Variants in EXOC4 observed in about 807,000 individuals in gnomAD.
EXOC4 encodes SEC8-like 1.
A neutral mutation model predicts 107.2 loss-of-function variants in EXOC4; 71 were observed. The observed-to-expected ratio is 0.66, with a 90% CI of 0.55 to 0.81. EXOC4 has a LOEUF of 0.81. Among genes scored for constraint, EXOC4 ranks in the 30% least tolerant of loss-of-function variants. The pLI, the probability that EXOC4 is intolerant of heterozygous loss-of-function variation, is 0.00. For missense variants in EXOC4, 1,108 were observed against 1,189.6 expected, an observed-to-expected ratio of 0.93 and a Z score of 1.01; for synonymous variants, 456 against 441.2, an observed-to-expected ratio of 1.03 and a Z score of -0.42.
intron 11 of EXOC4, among the ~76,000 whole-genome samples, chr7:133,876,221 GGTGTGTGTGT>G (rs10605200): frequency 4.1e-5 from 6 of 147,194 alleles, no homozygotes; most frequent in African/African-American, 7.5e-5. Flanking sequence ...AGAATGAAGA[GGTGTGTGTGT>G]GTGTGTGTGT....
At chr7:133,998,781 G>T (rs1313359748) in intron 15 of EXOC4, among the ~76,000 whole-genome samples, 1 of 152,168 alleles carries the variant, frequency 6.6e-6, no homozygotes, top group Non-Finnish European at 1.5e-5. Flanking sequence ...GTATGGAAAA[G>T]GGATTGCAGG....
At chr7:133,665,727 C>A (rs1793795703) in intron 10 of EXOC4, among the ~76,000 whole-genome samples, 1 of 152,142 alleles carries the variant, frequency 6.6e-6, no homozygotes, top group African/African-American at 2.4e-5. Context: ...AATATAGCAT[C>A]TCCATTTGTG....
intron 7 of EXOC4, among the ~76,000 whole-genome samples, chr7:133,453,684 C>A (rs1347598643): frequency 6.6e-6 from 1 of 151,876 alleles, no homozygotes; most frequent in South Asian, 2.1e-4. Context: ...CTTATGCATA[C>A]CTTTTAAGCA....
intron 11 of EXOC4, among the ~76,000 whole-genome samples, chr7:133,864,798 G>A (rs897981673): frequency 6.6e-6 from 1 of 152,314 alleles, no homozygotes; most frequent in Non-Finnish European, 1.5e-5. Context: ...AAATGCAGTA[G>A]TGAGGCCAGA....
At chr7:133,601,560 C>G (rs556083296) in intron 9 of EXOC4, among the ~76,000 whole-genome samples, 1 of 152,306 alleles carries the variant, frequency 6.6e-6, no homozygotes, top group Non-Finnish European at 1.5e-5. Context: ...CAGCCTCTCC[C>G]TCCCCATCTT....
chr7:133,955,048 G>T (rs1301374117), intron 14 of EXOC4, among the ~76,000 whole-genome samples: 1 of 152,208 alleles, frequency 6.6e-6, no homozygotes, highest in African/African-American at 2.4e-5. Context: ...TTCCCAAGGG[G>T]CCGCAGCTCT....
chr7:133,949,952 G>A (rs1800652064), intron 14 of EXOC4, among the ~76,000 whole-genome samples: 1 of 152,272 alleles, frequency 6.6e-6, no homozygotes, highest in South Asian at 2.1e-4. Context: ...GCATTGGGAT[G>A]TGCAGTAAGG....
At chr7:133,738,889 G>A (rs1795503284) in intron 10 of EXOC4, among the ~76,000 whole-genome samples, 1 of 152,088 alleles carries the variant, frequency 6.6e-6, no homozygotes, top group South Asian at 2.1e-4. Context: ...CTCTAGATTA[G>A]TCTTCCTTTT....
At chr7:133,957,016 G>C (rs1186440806) in intron 14 of EXOC4, among the ~76,000 whole-genome samples, 1 of 151,868 alleles carries the variant, frequency 6.6e-6, no homozygotes, top group African/African-American at 2.4e-5. Context: ...ACTATATAGA[G>C]AGGCTAAAAT....
At chr7:133,386,306 C>A (rs1796725447) in intron 7 of EXOC4, among the ~76,000 whole-genome samples, 1 of 152,180 alleles carries the variant, frequency 6.6e-6, no homozygotes, top group Admixed American at 6.5e-5. Flanking sequence ...CCAGTGGTCA[C>A]TGGGCCTCCC....
intron 6 of EXOC4, among the ~76,000 whole-genome samples, chr7:133,374,201 T>TA (rs1051903337): frequency 6.6e-6 from 1 of 152,200 alleles, no homozygotes; most frequent in Non-Finnish European, 1.5e-5. Context: ...CTTGAGTATA[T>TA]AAAATTGATG....
At chr7:133,601,055 T>C (rs1801793616) in intron 9 of EXOC4, among the ~76,000 whole-genome samples, 1 of 152,218 alleles carries the variant, frequency 6.6e-6, no homozygotes, top group Non-Finnish European at 1.5e-5. Context: ...ATGCAACAGA[T>C]GTACACTGCG....
intron 10 of EXOC4, among the ~76,000 whole-genome samples, chr7:133,739,624 C>A (rs2111522): frequency 0.87 from 132,394 of 152,150 alleles, 58,124 homozygotes; most frequent in East Asian, 0.99. Flanking sequence ...ATTAAGGCTG[C>A]AGCTGCTGAG....
chr7:133,686,101 A>G (rs747730159), intron 10 of EXOC4, among the ~76,000 whole-genome samples: 2 of 152,136 alleles, frequency 1.3e-5, no homozygotes, highest in African/African-American at 2.4e-5. Context: ...CTGTGTAACC[A>G]GAGGAAGAGA....
At chr7:133,620,559 T>C (rs1391266262) in intron 9 of EXOC4, among the ~76,000 whole-genome samples, 1 of 152,202 alleles carries the variant, frequency 6.6e-6, no homozygotes, top group Non-Finnish European at 1.5e-5. Flanking sequence ...TGCCCAAATG[T>C]TCATCTGCTG....
chr7:133,770,309 A>G (rs1278797638), intron 10 of EXOC4, among the ~76,000 whole-genome samples: 2 of 151,862 alleles, frequency 1.3e-5, no homozygotes, highest in Non-Finnish European at 1.5e-5. Context: ...CCATTAGCCT[A>G]CAGCTAACAG....
chr7:133,972,472 C>T (rs550836950), intron 14 of EXOC4, among the ~76,000 whole-genome samples: 18 of 152,188 alleles, frequency 1.2e-4, no homozygotes, highest in African/African-American at 2.2e-4. Flanking sequence ...TTAGGGAGTT[C>T]GTTACTTATC....
intron 12 of EXOC4, among the ~76,000 whole-genome samples, chr7:133,903,648 G>T (rs933255782): frequency 5.9e-5 from 9 of 152,162 alleles, no homozygotes; most frequent in Non-Finnish European, 1.2e-4. Flanking sequence ...TAGCCATGTG[G>T]GGGAGGGAGT....
At chr7:133,903,978 A>G (rs1217700812) in intron 12 of EXOC4, among the ~76,000 whole-genome samples, 1 of 152,194 alleles carries the variant, frequency 6.6e-6, no homozygotes, top group East Asian at 1.9e-4. Flanking sequence ...TGAGTGATAA[A>G]TGTAAATGTT....
Sources: gnomAD v4.1 joint callset for allele counts (sites outside exome capture counted in the v4.1 genomes callset) on GRCh38, gnomAD v4.1.1 for gene constraint, MANE v1.5 for transcripts, NCBI Gene and HGNC (gene_info 2026-07-23, HGNC 2026-07-21) for gene names.